The following CNTN4 variants were observed in gnomAD, a reference collection of about 807,000 sequenced individuals.
CNTN4 encodes the protein contactin 4, also known as contactin-4.
CNTN4 carries 77 observed loss-of-function variants against 122.5 expected under a neutral mutation model. The observed-to-expected ratio is 0.63, with a 90% CI of 0.52 to 0.76. The LOEUF (loss-of-function observed/expected upper bound fraction) is 0.76, where lower values mean the gene tolerates loss of function less well. Ranked by LOEUF, CNTN4 falls within the 30% of genes least tolerant of loss-of-function variation. The pLI is 0.00. For missense variants in CNTN4, 1,256 were observed against 1,259.1 expected (o/e 1.00, Z 0.04); for synonymous variants, 512 against 447.0 (o/e 1.15, Z -1.83).
intron 2 of CNTN4, among the ~76,000 whole-genome samples, chr3:2,148,171 A>C (rs974349168): frequency 6.6e-6 from 1 of 152,218 alleles, no homozygotes; most frequent in African/African-American, 2.4e-5. Context: ...GCAATTCTGC[A>C]GATTTCACCT....
intron 14 of CNTN4, among the ~76,000 whole-genome samples, chr3:2,994,405 A>T (rs1179521398): frequency 6.6e-6 from 1 of 152,090 alleles, no homozygotes; most frequent in African/African-American, 2.4e-5. Flanking sequence ...AGAAGTCTTT[A>T]GTGGAAATTG....
At chr3:2,963,375 G>A (rs1241473679) in intron 13 of CNTN4, among the ~76,000 whole-genome samples, 1 of 151,998 alleles carries the variant, frequency 6.6e-6, no homozygotes, top group African/African-American at 2.4e-5. Context: ...ATTTATGAAT[G>A]TGATTATTTG....
Position 2,297,792 on chromosome 3 carries a change from C to G in CNTN4, c.-144-41386C>G, listed in dbSNP as rs113275656. ...TCACCCAAGCTGGAGTGCAGTGGCA[C>G]AATCACAGCTCACTGCAGCCTCCAC... On this transcript the variant is annotated intron_variant, in intron 2 of 24. Coordinates refer to ENST00000418658, the MANE Select transcript of CNTN4 (RefSeq NM_175607.3). 2.4e-3 allele frequency among the ~76,000 whole-genome samples: 363 copies of G among 152,200 alleles called. 1 individual carries two copies. The highest frequency in any genetic ancestry group is 8.1e-3 in the African/African-American group (336 of 41,522).
chr3:2,435,556 C>G (rs1176554230), intron 3 of CNTN4, among the ~76,000 whole-genome samples: 1 of 152,090 alleles, frequency 6.6e-6, no homozygotes, highest in Non-Finnish European at 1.5e-5. Flanking sequence ...AATAGTGACC[C>G]TGGCAGCCTG....
At chr3:2,750,872 C>T (rs1479799503) in intron 6 of CNTN4, among the ~76,000 whole-genome samples, 1 of 152,154 alleles carries the variant, frequency 6.6e-6, no homozygotes, top group African/African-American at 2.4e-5. Context: ...CTGAGTCAAG[C>T]ACGTTCTGAT....
intron 3 of CNTN4, among the ~76,000 whole-genome samples, chr3:2,434,022 G>A (rs1247505917): frequency 6.6e-6 from 1 of 152,126 alleles, no homozygotes; most frequent in South Asian, 2.1e-4. Flanking sequence ...AGGGAAAGGG[G>A]AAATGTTGAT....
intron 3 of CNTN4, among the ~76,000 whole-genome samples, chr3:2,473,909 G>A (rs2075765784): frequency 2.0e-5 from 3 of 152,054 alleles, no homozygotes; most frequent in Admixed American, 1.3e-4. Context: ...CTACTCGGGA[G>A]GCTGAGGCAG....
intron 3 of CNTN4, among the ~76,000 whole-genome samples, chr3:2,347,852 T>C (rs532253697): frequency 2.4e-4 from 36 of 148,296 alleles, no homozygotes; most frequent in South Asian, 6.4e-4. Context: ...TTTTGGTTTA[T>C]CTTTTTTTTA....
intron 14 of CNTN4, among the ~76,000 whole-genome samples, chr3:3,008,059 T>C (rs943797223): frequency 6.6e-6 from 1 of 152,198 alleles, no homozygotes; most frequent in South Asian, 2.1e-4. Context: ...TTTTGAGATA[T>C]AAACTAATCA....
chr3:2,984,268 T>G (rs1694342841), intron 13 of CNTN4, among the ~76,000 whole-genome samples: 1 of 152,064 alleles, frequency 6.6e-6, no homozygotes, highest in Admixed American at 6.5e-5. Context: ...GTGAAGCACT[T>G]TAAGTTAACG....
intron 4 of CNTN4, among the ~76,000 whole-genome samples, chr3:2,699,420 C>A (rs1479998706): frequency 1.3e-5 from 2 of 152,164 alleles, no homozygotes; most frequent in Non-Finnish European, 1.5e-5. Context: ...TGTGCAACTT[C>A]ATGAAAAAAA....
chr3:2,485,931 A>G (rs1269792823), intron 3 of CNTN4, among the ~76,000 whole-genome samples: 2 of 152,212 alleles, frequency 1.3e-5, no homozygotes, highest in African/African-American at 4.8e-5. Flanking sequence ...AGGCTGCCTG[A>G]GCCAGCAGTG....
chr3:2,405,703 A>C (rs936859463), intron 3 of CNTN4, among the ~76,000 whole-genome samples: 3 of 152,184 alleles, frequency 2.0e-5, no homozygotes, highest in Admixed American at 6.5e-5. Flanking sequence ...AGAAGGAATA[A>C]AAGAAATTGA....
intron 2 of CNTN4, among the ~76,000 whole-genome samples, chr3:2,312,705 G>T (rs975416141): frequency 6.6e-6 from 1 of 152,068 alleles, no homozygotes; most frequent in Non-Finnish European, 1.5e-5. Flanking sequence ...AAAGAACACA[G>T]CTTTTGAAAA....
chr3:2,405,392 G>A (rs1188176607), intron 3 of CNTN4, among the ~76,000 whole-genome samples: 1 of 152,080 alleles, frequency 6.6e-6, no homozygotes, highest in Non-Finnish European at 1.5e-5. Flanking sequence ...TATAGTACAA[G>A]ATGAGCCTGG....
intron 8 of CNTN4, among the ~76,000 whole-genome samples, chr3:2,876,482 G>T (rs756954460): frequency 8.6e-5 from 13 of 151,760 alleles, no homozygotes; most frequent in Non-Finnish European, 1.6e-4. Flanking sequence ...TTTTTCAGGA[G>T]AAAATCCCAC....
intron 2 of CNTN4, among the ~76,000 whole-genome samples, chr3:2,328,191 G>A (rs1021319498): frequency 4.6e-5 from 7 of 152,132 alleles, no homozygotes; most frequent in African/African-American, 1.7e-4. Context: ...GGATCACGGG[G>A]TCAGGAGATC....
intron 2 of CNTN4, among the ~76,000 whole-genome samples, chr3:2,255,000 G>C (rs1349119972): frequency 6.6e-6 from 1 of 152,132 alleles, no homozygotes; most frequent in Admixed American, 6.6e-5. Flanking sequence ...GCTTTCTTCT[G>C]TGGTTTTTAT....
intron 2 of CNTN4, among the ~76,000 whole-genome samples, chr3:2,154,248 G>C (rs758533855): frequency 6.6e-6 from 1 of 151,950 alleles, no homozygotes; most frequent in African/African-American, 2.4e-5. Flanking sequence ...AACCGGATGT[G>C]GTGGTGGGCG....
Sources: allele counts gnomAD v4.1 joint callset (sites outside exome capture counted in the v4.1 genomes callset), GRCh38; gene constraint gnomAD v4.1.1; transcripts MANE v1.5; gene names NCBI Gene and HGNC (gene_info 2026-07-23, HGNC 2026-07-21).